Variants in GNAL observed in about 807,000 individuals in gnomAD.
GNAL encodes G protein subunit alpha L.
In GNAL, 18 loss-of-function variants were observed where a neutral mutation model predicts 55.1. The ratio of observed to expected loss-of-function variants is 0.33; its 90% confidence interval spans 0.23 to 0.48. The LOEUF is 0.48. Ranked by LOEUF, GNAL falls within the 20% of genes least tolerant of loss-of-function variation. The pLI, the probability that GNAL is intolerant of heterozygous loss-of-function variation, is 0.99. For missense variants in GNAL, 412 were observed against 614.1 expected, an observed-to-expected ratio of 0.67 and a Z score of 3.48; for synonymous variants, 253 against 237.0, an observed-to-expected ratio of 1.07 and a Z score of -0.62.
intron 4 of GNAL, among the ~76,000 whole-genome samples, chr18:11,788,908 A>ATATATATATATATATAT (rs372490535): frequency 1.6e-4 from 12 of 73,286 alleles, no homozygotes; most frequent in East Asian, 1.4e-3. Flanking sequence ...AAAAAAAAAA[A>ATATATATATATATATAT]AAAAAAATAT....
chr18:11,796,818 C>G (rs559883806), intron 4 of GNAL, among the ~76,000 whole-genome samples: 1 of 152,210 alleles, frequency 6.6e-6, no homozygotes, highest in African/African-American at 2.4e-5. Flanking sequence ...ATGTAGCATT[C>G]ATCATATAAG....
Position 11,884,445 on chromosome 18 carries a change from T to A in GNAL, c.*3310T>A, listed in dbSNP as rs747560716. On this transcript the variant is annotated 3_prime_UTR_variant, in exon 12 of 12. Transcript: ENST00000334049. ...TGATATTTATAATGGCGCCTGCTCT[T>A]CATCTTGTCTTACGCTTTCCGAGCA... The A allele has an allele frequency of 6.2e-7, 1 of 1,613,172 alleles. No individual in the cohort carries two copies. The highest frequency in any genetic ancestry group is 1.1e-5 in the South Asian group (1 of 91,058).
At chr18:11,714,858 A>G (rs370051482) in intron 1 of GNAL, among the ~76,000 whole-genome samples, 2 of 152,168 alleles carry the variant, frequency 1.3e-5, no homozygotes, top group Non-Finnish European at 2.9e-5. Context: ...TTTCACATTA[A>G]GGATAGCTAA....
At chr18:11,774,189 G>A (rs1382304783) in intron 4 of GNAL, among the ~76,000 whole-genome samples, 3 of 152,132 alleles carry the variant, frequency 2.0e-5, no homozygotes, top group Admixed American at 6.5e-5. Flanking sequence ...CTGAAGCCAC[G>A]CACGGGGCCC....
chr18:11,763,642 A>T (rs2033315011), intron 4 of GNAL, among the ~76,000 whole-genome samples: 1 of 152,102 alleles, frequency 6.6e-6, no homozygotes, highest in African/African-American at 2.4e-5. Context: ...AAGTGCCGAG[A>T]TTACAGGTGT....
intron 4 of GNAL, among the ~76,000 whole-genome samples, chr18:11,808,809 C>T (rs961540018): frequency 6.6e-6 from 1 of 152,238 alleles, no homozygotes; most frequent in Non-Finnish European, 1.5e-5. Context: ...AATGGAATGC[C>T]GTTCGGCAAT....
chr18:11,825,751 G>GAAAAAAAAA (rs1289147177), intron 5 of GNAL, among the ~76,000 whole-genome samples: 5 of 62,574 alleles, frequency 8.0e-5, no homozygotes, highest in South Asian at 6.1e-4. Context: ...AAAAAAAAAG[G>GAAAAAAAAA]AAAAGGACAC....
chr18:11,755,508 C>T (rs897638509), intron 4 of GNAL, among the ~76,000 whole-genome samples: 2 of 152,196 alleles, frequency 1.3e-5, no homozygotes, highest in South Asian at 4.1e-4. Flanking sequence ...ATCTCCTGAC[C>T]TCATGATCCA....
At chr18:11,691,299 A>T (rs1001560115) in intron 1 of GNAL, among the ~76,000 whole-genome samples, 76 of 150,304 alleles carry the variant, frequency 5.1e-4, no homozygotes, top group Non-Finnish European at 8.8e-4. Context: ...CCACTTTTTG[A>T]TGGGGTTGTT....
At chr18:11,786,290 G>A (rs189950092) in intron 4 of GNAL, among the ~76,000 whole-genome samples, 1 of 151,682 alleles carries the variant, frequency 6.6e-6, no homozygotes, top group South Asian at 2.1e-4. Flanking sequence ...GTAGAAACCC[G>A]GTTTATTTTT....
At chr18:11,765,986 T>C (rs765044296) in intron 4 of GNAL, among the ~76,000 whole-genome samples, 1 of 152,178 alleles carries the variant, frequency 6.6e-6, no homozygotes, top group Non-Finnish European at 1.5e-5. Flanking sequence ...ATTAGAGCAT[T>C]TTGTTCTTAT....
At chr18:11,858,661 C>A (rs1233974664) in intron 5 of GNAL, among the ~76,000 whole-genome samples, 1 of 152,342 alleles carries the variant, frequency 6.6e-6, no homozygotes, top group Non-Finnish European at 1.5e-5. Flanking sequence ...CTTAGAAAGT[C>A]TTTCAAAGAA....
intron 4 of GNAL, among the ~76,000 whole-genome samples, chr18:11,783,610 A>G (rs987520341): frequency 6.6e-6 from 1 of 152,224 alleles, no homozygotes; most frequent in Non-Finnish European, 1.5e-5. Flanking sequence ...TGAGCCACCA[A>G]TGCAATCCAC....
In GNAL at chr18:11,699,438, G is replaced by C. The variant is rs141734870; in HGVS notation, c.376+9499G>C. Reference sequence around the variant, plus strand: ...CCATGTTGGACAGGCTGGTCTCAAAGTCCTGACCTCTGGGGATCCACCTGC... The same window carrying C: ...CCATGTTGGACAGGCTGGTCTCAAACTCCTGACCTCTGGGGATCCACCTGC... On this transcript the variant is annotated intron_variant, in intron 1 of 11. Transcript: ENST00000334049. 5.8e-3 allele frequency among the ~76,000 whole-genome samples: 883 copies of C among 151,642 alleles called. 10 individuals carry two copies. Among genetic ancestry groups the C allele is most frequent in the African/African-American group, 0.02 (842 of 41,332 alleles).
At chr18:11,877,769 C>T (rs1456715799) in intron 11 of GNAL, among the ~76,000 whole-genome samples, 4 of 152,184 alleles carry the variant, frequency 2.6e-5, no homozygotes, top group African/African-American at 4.8e-5. Context: ...ACCCTTTTCC[C>T]GGCACACCCC....
At chr18:11,853,326 C>G (rs1431856450) in intron 5 of GNAL, 5 of 167,122 alleles carry the variant, frequency 3.0e-5, no homozygotes. Context: ...GCTGTGCTGC[C>G]TGCCATCTTC....
chr18:11,725,879 T>G (rs1432487698), intron 1 of GNAL, among the ~76,000 whole-genome samples: 1 of 152,218 alleles, frequency 6.6e-6, no homozygotes, highest in Non-Finnish European at 1.5e-5. Flanking sequence ...CTGTAACATT[T>G]TGCATTCCCA....
Position 11,885,525 on chromosome 18 carries a change from A to C in GNAL, c.*4390A>C, listed in dbSNP as rs896062202. On this transcript the variant is annotated 3_prime_UTR_variant, in exon 12 of 12. Coordinates refer to ENST00000334049, the MANE Select transcript of GNAL (RefSeq NM_182978.4). ...ATTGGTTCCCGGAAGGGTGTTTGGC[A>C]AGGGGCAGTGTATGGAGCTACGTGT... is the stretch of plus-strand genomic sequence containing the variant. 2.2e-6 allele frequency: 2 copies of C among 891,566 alleles called. No homozygotes were observed. The highest frequency in any genetic ancestry group is 3.4e-6 in the Non-Finnish European group (2 of 588,456). The allele number at this position is 891,566 out of a possible 1,614,324, so 55.2% of individuals were successfully genotyped here.
At chr18:11,849,823 A>G (rs906243769) in intron 5 of GNAL, among the ~76,000 whole-genome samples, 4 of 152,192 alleles carry the variant, frequency 2.6e-5, no homozygotes, top group African/African-American at 7.2e-5. Flanking sequence ...TCTGAAATAC[A>G]ATTAAATTCA....
Sources: gnomAD v4.1 joint callset for allele counts (sites outside exome capture counted in the v4.1 genomes callset) on GRCh38, gnomAD v4.1.1 for gene constraint, MANE v1.5 for transcripts, NCBI Gene and HGNC (gene_info 2026-07-23, HGNC 2026-07-21) for gene names.